Variants in TARM1 observed in about 807,000 individuals in gnomAD.
TARM1 encodes T cell-interacting, activating receptor on myeloid cells 1.
TARM1 carries 24 observed loss-of-function variants against 30.4 expected under a neutral mutation model. The ratio of observed to expected loss-of-function variants is 0.79; its 90% CI spans 0.57 to 1.11. The LOEUF (loss-of-function observed/expected upper bound fraction) is 1.11, where lower values mean the gene tolerates loss of function less well. Ranked by LOEUF, TARM1 falls within the 50% of genes least tolerant of loss-of-function variation. The pLI is 0.00. For missense variants in TARM1, 323 were observed against 332.8 expected (o/e 0.97, Z 0.23); for synonymous variants, 129 against 138.9 (o/e 0.93, Z 0.50).
At chr19:54,077,524 G>A (rs79051483) in intron 1 of TARM1, among the ~76,000 whole-genome samples, 2,547 of 152,130 alleles carry the variant, frequency 0.017, 70 homozygotes, top group African/African-American at 0.057. Flanking sequence ...TCCCCTGTGT[G>A]AACAGTTTTA....
intron 4 of TARM1, among the ~76,000 whole-genome samples, chr19:54,071,676 C>T (rs770366105): frequency 3.8e-4 from 57 of 151,730 alleles, no homozygotes; most frequent in Non-Finnish European, 6.6e-4. Context: ...AAAAATTAGC[C>T]GGGTGTGGTG....
intron 1 of TARM1, among the ~76,000 whole-genome samples, chr19:54,080,047 AG>A (rs1384876286): frequency 1.9e-4 from 25 of 134,616 alleles, no homozygotes; most frequent in South Asian, 5.1e-4. Flanking sequence ...GAAGGAAGGA[AG>A]GGAAAGAGAG....
intron 4 of TARM1, 80 bp from the exon 5 acceptor site, chr19:54,070,240 A>C: frequency 6.7e-7 from 1 of 1,484,518 alleles, no homozygotes; most frequent in Non-Finnish European, 8.9e-7. Flanking sequence ...TCTGACTATC[A>C]TCACCCACTT....
At chr19:54,080,125 AAGGAAGGAAGG>A (rs2072071435) in intron 1 of TARM1, among the ~76,000 whole-genome samples, 34 of 48,722 alleles carry the variant, frequency 7.0e-4, no homozygotes, top group East Asian at 4.5e-3. Context: ...GGAAGGAAGG[AAGGAAGGAAGG>A]AAGAAAGCAA....
chr19:54,070,080 T>G lies in TARM1; in HGVS notation c.739A>C (p.Met247Leu). Residue 247 changes from methionine (M) to leucine (L), a missense_variant, in exon 5 of 5, where the codon ATG becomes CTG. Met to Leu is a conservative substitution (Grantham distance 15, BLOSUM62 2). Coordinates refer to ENST00000432826, the MANE Select transcript of TARM1 (RefSeq NM_001135686.3). ...CAGGCCTCCACCAGGAAAGCTCCCATGATAACCACAATTACGGCAGCCAGA... is the reference window on the plus strand; with the variant it reads ...CAGGCCTCCACCAGGAAAGCTCCCAGGATAACCACAATTACGGCAGCCAGA... ...LGLAAVIVVI[M>L]GAFLVEAWYS... The G allele has an allele frequency of 6.4e-7, 1 of 1,551,626 alleles. No homozygotes were observed. The highest frequency in any genetic ancestry group is 8.7e-7 in the Non-Finnish European group (1 of 1,146,984).
In TARM1 at chr19:54,074,060, C is replaced by G. The variant is rs773281113; in HGVS notation, c.518G>C (p.Ser173Thr). 1 of 1,551,690 alleles carries G rather than the reference C, an allele frequency of 6.4e-7. No homozygotes were observed. The highest frequency in any genetic ancestry group is 2.4e-5 in the East Asian group (1 of 40,920). Residue 173 changes from serine to threonine, a missense_variant, in exon 4 of 5, where the codon AGT (serine) becomes ACT (threonine). Ser to Thr is a moderately conservative substitution (Grantham distance 58). Transcript: ENST00000432826. ...AGTPSPIQLQ[S>T]PAGKEIDFSL... ...GAAGTCTATCTCCTTCCCCGCTGGA[C>G]TCTGCAGCTGGATGGGTGATGGCGT...
At chr19:54,080,496 G>GAGGAAGGAAGGAAGGAAGGAAGGA (rs58067817) in intron 1 of TARM1, among the ~76,000 whole-genome samples, 1 of 107,394 alleles carries the variant, frequency 9.3e-6, no homozygotes, top group Non-Finnish European at 1.8e-5. Flanking sequence ...GGAAGGAAGG[G>GAGGAAGGAAGGAAGGAAGGAAGGA]AGGAAGGAAG....
At position 54,074,794 on chromosome 19, in the gene TARM1, G is replaced by T. The variant is rs770011624; in HGVS notation, c.361+30C>A. ...CTTCCTCCCTCATCCCCTGTCCCCC[G>T]TATGTCATTGGCAGGCACCCTGTCT... On this transcript the variant is annotated intron_variant, in intron 3 of 4. Coordinates refer to ENST00000432826, the MANE Select transcript of TARM1 (RefSeq NM_001135686.3). 27 of 1,543,256 alleles carry T rather than the reference G, an allele frequency of 1.7e-5. 1 individual carries two copies. The Middle Eastern group carries it at 1.8e-3, about 105-fold the overall frequency.
At chr19:54,071,706 G>C (rs587736147) in intron 4 of TARM1, among the ~76,000 whole-genome samples, 2 of 152,188 alleles carry the variant, frequency 1.3e-5, no homozygotes, top group African/African-American at 4.8e-5. Context: ...TGTAATCCCA[G>C]CTACTCAGGA....
intron 1 of TARM1, among the ~76,000 whole-genome samples, chr19:54,078,424 A>G (rs985113635): frequency 3.3e-5 from 5 of 150,330 alleles, no homozygotes; most frequent in African/African-American, 1.2e-4. Context: ...TGTTGCCCAG[A>G]CTGGAGTGCA....
chr19:54,081,135 T>C (rs2072120231), intron 1 of TARM1, among the ~76,000 whole-genome samples, 172 bp downstream of exon 1: 1 of 152,092 alleles, frequency 6.6e-6, no homozygotes, highest in Non-Finnish European at 1.5e-5. Flanking sequence ...GGAGTTGAAG[T>C]TTGCAGAGCA....
intron 1 of TARM1, among the ~76,000 whole-genome samples, chr19:54,080,499 GAA>G (rs2072100701): frequency 2.2e-4 from 9 of 41,570 alleles, no homozygotes; most frequent in South Asian, 9.3e-4. Context: ...AGGAAGGGAG[GAA>G]GGAAGGAAGG....
intron 1 of TARM1, among the ~76,000 whole-genome samples, chr19:54,079,862 G>A (rs2072051922): frequency 1.3e-5 from 2 of 151,598 alleles, no homozygotes; most frequent in African/African-American, 4.8e-5. Context: ...AAAATCAGCC[G>A]GGTGTGTGGT....
At chr19:54,075,616 A>C (rs2071930662) in intron 2 of TARM1, among the ~76,000 whole-genome samples, 2 of 151,514 alleles carry the variant, frequency 1.3e-5, no homozygotes, top group South Asian at 4.2e-4. Flanking sequence ...AACATGGTGA[A>C]ACTCCGTCTC....
chr19:54,074,240 G>A, intron 3 of TARM1, 24 bp from the exon 4 acceptor site: 1 of 1,542,830 alleles, frequency 6.5e-7, no homozygotes, highest in South Asian at 1.2e-5. Context: ...CAGGTTCTGA[G>A]GTCCTGGGGA....
At chr19:54,073,317 G>A (rs1272206253) in intron 4 of TARM1, among the ~76,000 whole-genome samples, 5 of 145,196 alleles carry the variant, frequency 3.4e-5, no homozygotes, top group Non-Finnish European at 7.5e-5. Context: ...GCTGAGGCAG[G>A]AGAATCACTT....
At position 54,075,070 on chromosome 19, in the gene TARM1, C is replaced by T. The variant is rs912798936; in HGVS notation, c.115G>A (p.Val39Ile). The part of the protein sequence containing the change: ...PSLSAWPSSV[V>I]PANSNVTLRC... Reference sequence around the variant, plus strand: ...AGCGTCACATTGCTGTTGGCAGGGACCACCGAGCTGGGCCAGGCACTGAGG... The same window carrying T: ...AGCGTCACATTGCTGTTGGCAGGGATCACCGAGCTGGGCCAGGCACTGAGG... Residue 39 changes from valine to isoleucine, a missense_variant, in exon 3 of 5, where the codon GTC becomes ATC. Transcript: ENST00000432826. 1.0e-5 allele frequency: 16 copies of T among 1,551,500 alleles called. No individual in the cohort carries two copies. The highest frequency in any genetic ancestry group is 1.1e-5 in the Non-Finnish European group (13 of 1,146,982).
At chr19:54,077,077 G>A (rs1357551824) in intron 1 of TARM1, among the ~76,000 whole-genome samples, 1 of 151,958 alleles carries the variant, frequency 6.6e-6, no homozygotes, top group Non-Finnish European at 1.5e-5. Flanking sequence ...AGACAGGGCT[G>A]GGCTGGTTAA....
chr19:54,080,019 GGGAA>G lies in TARM1; in HGVS notation c.34+1284_34+1287del, dbSNP rs71195717. 1.3e-3 allele frequency among the ~76,000 whole-genome samples: 108 copies of G among 83,196 alleles called. 2 individuals are homozygous for G. The highest frequency in any genetic ancestry group is 3.1e-3 in the South Asian group (6 of 1,944). The allele number at this position is 83,196 out of a possible 152,430, so 54.6% of individuals were successfully genotyped here. On this transcript the variant is annotated intron_variant, in intron 1 of 4. Transcript: ENST00000432826. ...CTTTGTCTCAAAAAAAGGAAAAGGA[GGGAA>G]GGAAGGAAGGAAGGAAGGAAGGAAG...
Sources: gnomAD v4.1 joint callset for allele counts (sites outside exome capture counted in the v4.1 genomes callset) on GRCh38, gnomAD v4.1.1 for gene constraint, MANE v1.5 for transcripts, NCBI Gene and HGNC (gene_info 2026-07-23, HGNC 2026-07-21) for gene names.